CFAP47: variants seen among roughly 807,000 people sequenced by gnomAD.
CFAP47 encodes cilia- and flagella-associated protein 47.
CFAP47 carries 29 observed loss-of-function variants against 148.1 expected under a neutral mutation model. The ratio of observed to expected loss-of-function variants is 0.20; its 90% CI spans 0.15 to 0.27. The LOEUF (loss-of-function observed/expected upper bound fraction) is 0.27, where lower values mean the gene tolerates loss of function less well. Among genes scored for constraint, CFAP47 ranks in the 10% least tolerant of loss-of-function variants. The pLI, the probability that CFAP47 is intolerant of heterozygous loss-of-function variation, is 1.00. For missense variants in CFAP47, 1,872 were observed against 1,697.5 expected (o/e 1.10, Z -1.81); for synonymous variants, 664 against 577.3 (o/e 1.15, Z -2.15).
chrX:35,964,504 A>C (rs1408569847), intron 8 of CFAP47, among the ~76,000 whole-genome samples: 2 of 111,218 alleles, frequency 1.8e-5, no homozygotes, highest in Non-Finnish European at 3.8e-5. Context: ...TCTTTAATCA[A>C]GTTTTTGAAC....
chrX:36,057,558 C>T (rs1411981668), intron 26 of CFAP47, among the ~76,000 whole-genome samples: 1 of 111,940 alleles, frequency 8.9e-6, no homozygotes, highest in Non-Finnish European at 1.9e-5. Context: ...TATTTATTAA[C>T]TTTTGTTAAA....
intron 39 of CFAP47, among the ~76,000 whole-genome samples, chrX:36,177,977 T>C (rs866829182): frequency 1.2e-4 from 13 of 111,854 alleles, no homozygotes; most frequent in African/African-American, 3.9e-4. Flanking sequence ...GTGGTACATA[T>C]GCACCATGGA....
intron 39 of CFAP47, among the ~76,000 whole-genome samples, chrX:36,173,933 C>T (rs899615457): frequency 9.0e-6 from 1 of 111,280 alleles, no homozygotes; most frequent in Non-Finnish European, 1.9e-5. Flanking sequence ...GTGTGGGAGT[C>T]TAATTCTCTT....
chrX:35,956,940 G>A (rs762044638), intron 8 of CFAP47, among the ~76,000 whole-genome samples: 314 of 111,389 alleles, frequency 2.8e-3, no homozygotes, highest in Non-Finnish European at 4.9e-3. Flanking sequence ...GGCTGGGCGT[G>A]GTGGCTCACA....
chrX:36,371,746 GTATA>G (rs1197353938), intron 62 of CFAP47, among the ~76,000 whole-genome samples: 2 of 52,373 alleles, frequency 3.8e-5, no homozygotes, highest in Non-Finnish European at 6.8e-5. Flanking sequence ...ATATATGTGT[GTATA>G]TACACACATG....
intron 57 of CFAP47, among the ~76,000 whole-genome samples, chrX:36,344,412 TAC>T (rs1941680396): frequency 9.0e-6 from 1 of 111,172 alleles, no homozygotes; most frequent in Non-Finnish European, 1.9e-5. Context: ...TTAACAGCAT[TAC>T]AGAGTGGTTC....
At chrX:36,166,845 C>A (rs1602022180) in intron 39 of CFAP47, among the ~76,000 whole-genome samples, 1 of 111,494 alleles carries the variant, frequency 9.0e-6, no homozygotes. Context: ...AGTGTTAAGG[C>A]TCTGATGTTG....
chrX:36,049,231 C>T (rs993209157), intron 26 of CFAP47, among the ~76,000 whole-genome samples: 9 of 109,786 alleles, frequency 8.2e-5, no homozygotes, highest in African/African-American at 3.0e-4. Context: ...CTAAGGCTCA[C>T]AGTGTGACCT....
In CFAP47 at chrX:36,095,778, A is replaced by G. The variant is rs73470959; in HGVS notation, c.4917-3015A>G. On this transcript the variant is annotated intron_variant, in intron 30 of 63. Transcript: ENST00000378653. ...TCTTTCTTTTTATCTTAGTCTGGCT[A>G]AAGGTTTGTCAACTTTGTTTATCTT... 9.8e-3 allele frequency among the ~76,000 whole-genome samples: 1,095 copies of G among 111,704 alleles called. 8 individuals are homozygous for G. The highest frequency in any genetic ancestry group is 0.033 in the African/African-American group (1,030 of 30,947).
At chrX:35,938,629 C>A (rs1379857625) in intron 2 of CFAP47, among the ~76,000 whole-genome samples, 1 of 111,217 alleles carries the variant, frequency 9.0e-6, no homozygotes, top group African/African-American at 3.3e-5. Flanking sequence ...ATCCCACATG[C>A]ATTTTATCCC....
intron 48 of CFAP47, among the ~76,000 whole-genome samples, chrX:36,242,381 A>G (rs1158271171): frequency 3.6e-5 from 4 of 112,352 alleles, no homozygotes; most frequent in Non-Finnish European, 7.5e-5. Context: ...AAACTTGACG[A>G]CATTCAGGAG....
At chrX:36,269,646 C>T (rs1033201038) in intron 49 of CFAP47, among the ~76,000 whole-genome samples, 1 of 112,051 alleles carries the variant, frequency 8.9e-6, no homozygotes, top group South Asian at 3.7e-4. Context: ...TATATTTTAA[C>T]AGTTTTATTC....
At chrX:35,980,933 G>A (rs752136747) in intron 15 of CFAP47, among the ~76,000 whole-genome samples, 74 of 110,091 alleles carry the variant, frequency 6.7e-4, no homozygotes, top group African/African-American at 1.7e-3. Context: ...ACATATATGC[G>A]TGTATATATA....
chrX:36,131,463 A>G (rs1938948086), intron 33 of CFAP47, among the ~76,000 whole-genome samples: 1 of 111,375 alleles, frequency 9.0e-6, no homozygotes, highest in Non-Finnish European at 1.9e-5. Flanking sequence ...ACTGCTATAA[A>G]AAAAAGTCTC....
intron 48 of CFAP47, among the ~76,000 whole-genome samples, chrX:36,238,059 T>C (rs1940493373): frequency 2.7e-5 from 3 of 111,562 alleles, no homozygotes; most frequent in Non-Finnish European, 3.8e-5. Flanking sequence ...AATGTCTTTT[T>C]TTTTCTGTTG....
At chrX:36,352,384 G>A (rs1217802528) in intron 59 of CFAP47, among the ~76,000 whole-genome samples, 1 of 110,806 alleles carries the variant, frequency 9.0e-6, no homozygotes, top group South Asian at 3.7e-4. Flanking sequence ...AATCCAGAAT[G>A]TTCAATATAA....
At chrX:36,264,282 C>T (rs1327501033) in intron 49 of CFAP47, among the ~76,000 whole-genome samples, 3 of 111,583 alleles carry the variant, frequency 2.7e-5, no homozygotes, top group East Asian at 2.8e-4. Context: ...CAGTAGATCA[C>T]GTACACCCCC....
At chrX:36,251,550 G>A in intron 49 of CFAP47, 106 bp downstream of exon 49, 1 of 354,070 alleles carries the variant, frequency 2.8e-6, no homozygotes, top group Non-Finnish European at 4.9e-6. Context: ...TCTATTAAAT[G>A]ACTCAGAAGA....
At chrX:35,974,721 TG>T (rs1406112326) in intron 13 of CFAP47, among the ~76,000 whole-genome samples, 6 of 111,756 alleles carry the variant, frequency 5.4e-5, no homozygotes, top group Admixed American at 9.6e-5. Flanking sequence ...AAAATTGCTT[TG>T]ATATAAAATC....
Sources: allele counts gnomAD v4.1 joint callset (sites outside exome capture counted in the v4.1 genomes callset), GRCh38; gene constraint gnomAD v4.1.1; transcripts MANE v1.5; gene names NCBI Gene and HGNC (gene_info 2026-07-23, HGNC 2026-07-21).